Variants in FBXL20 observed in about 807,000 individuals in gnomAD.
FBXL20 encodes F-box and leucine rich repeat protein 20.
FBXL20 carries 11 observed loss-of-function variants against 64.0 expected under a neutral mutation model. The observed-to-expected ratio is 0.17, with a 90% CI of 0.11 to 0.28. The LOEUF is 0.28. Ranked by LOEUF, FBXL20 falls within the 10% of genes least tolerant of loss-of-function variation. FBXL20 has a pLI of 1.00. For missense variants in FBXL20, 303 were observed against 526.2 expected (o/e 0.58, Z 4.15); for synonymous variants, 184 against 189.0 (o/e 0.97, Z 0.22).
chr17:39,382,552 C>T (rs2048035066), intron 1 of FBXL20, among the ~76,000 whole-genome samples: 1 of 152,008 alleles, frequency 6.6e-6, no homozygotes, highest in African/African-American at 2.4e-5. Context: ...CAGGGGAAAG[C>T]CTGGGCAAAG....
chr17:39,386,087 G>A (rs1175380669), intron 1 of FBXL20, among the ~76,000 whole-genome samples: 2 of 145,304 alleles, frequency 1.4e-5, no homozygotes, highest in Non-Finnish European at 3.0e-5. Flanking sequence ...GCTCACACCT[G>A]TAATCTCAGC....
Position 39,260,219 on chromosome 17 carries a change from A to C in FBXL20, c.*1241T>G, listed in dbSNP as rs1160069978. 1.3e-5 allele frequency: 2 copies of C among 152,212 alleles called. No homozygotes were observed. Among genetic ancestry groups the C allele is most frequent in the African/African-American group, 2.4e-5 (1 of 41,448 alleles). 9.4% of individuals were successfully genotyped at this position (152,212 alleles called of 1,614,324 possible). A position where few individuals can be genotyped will look rare whatever the true frequency, so the allele number is the denominator to read the frequency against. On this transcript the variant is annotated 3_prime_UTR_variant, in exon 15 of 15. Coordinates refer to ENST00000264658, the MANE Select transcript of FBXL20 (RefSeq NM_032875.3). ...CCTCTAGTGGCATTCCTGTTAAAACAACCTCATAGGTCAGAGATGCCACTG... is the reference window on the plus strand; with the variant it reads ...CCTCTAGTGGCATTCCTGTTAAAACCACCTCATAGGTCAGAGATGCCACTG...
intron 14 of FBXL20, among the ~76,000 whole-genome samples, chr17:39,262,709 T>A (rs377709121): frequency 1.3e-5 from 2 of 151,644 alleles, no homozygotes; most frequent in East Asian, 3.9e-4. Context: ...TTTTAAAACT[T>A]CTTTTTCGGC....
chr17:39,324,994 C>T (rs1475184688), intron 2 of FBXL20, among the ~76,000 whole-genome samples: 1 of 152,128 alleles, frequency 6.6e-6, no homozygotes, highest in Non-Finnish European at 1.5e-5. Context: ...TGGGTTTGAG[C>T]TCAGGAGTTC....
chr17:39,379,485 C>CAAAAAAAA (rs375953565), intron 1 of FBXL20, among the ~76,000 whole-genome samples: 1 of 127,110 alleles, frequency 7.9e-6, no homozygotes, highest in Non-Finnish European at 1.7e-5. Context: ...CATCCCTTAC[C>CAAAAAAAA]AAAAAAAAAA....
chr17:39,369,953 T>C (rs2047898953), intron 1 of FBXL20, among the ~76,000 whole-genome samples: 1 of 151,886 alleles, frequency 6.6e-6, no homozygotes, highest in Non-Finnish European at 1.5e-5. Flanking sequence ...CTTCAAAATA[T>C]GGCAGGCATG....
At chr17:39,307,970 CAAAAAAA>C (rs141151872) in intron 2 of FBXL20, among the ~76,000 whole-genome samples, 7 of 87,652 alleles carry the variant, frequency 8.0e-5, no homozygotes, top group South Asian at 4.2e-4. Flanking sequence ...GACATCATTT[CAAAAAAA>C]AAAAAAAAAA....
chr17:39,350,047 A>G (rs971610296), intron 1 of FBXL20, among the ~76,000 whole-genome samples: 27 of 152,342 alleles, frequency 1.8e-4, no homozygotes, highest in African/African-American at 6.5e-4. Context: ...CAAATCCACA[A>G]AAAGTAAAAC....
At position 39,254,671 on chromosome 17, in the gene FBXL20, T is replaced by C. The variant is rs2046679215; in HGVS notation, c.*6789A>G. ...TCAGAGAGGAAAGTAAATGTACCCA[T>C]GTGTGACACAGCCATCACTATGTAT... On this transcript the variant is annotated 3_prime_UTR_variant, in exon 15 of 15. Transcript: ENST00000264658. 6.5e-6 allele frequency: 1 copy of C among 154,516 alleles called. No homozygotes were observed. The highest frequency in any genetic ancestry group is 6.5e-5 in the Admixed American group (1 of 15,284). The allele number at this position is 154,516 out of a possible 1,614,324, so 9.6% of individuals were successfully genotyped here.
intron 2 of FBXL20, among the ~76,000 whole-genome samples, chr17:39,312,632 G>A (rs2047245754): frequency 1.6e-5 from 2 of 128,362 alleles, no homozygotes; most frequent in East Asian, 2.3e-4. Context: ...GGAGTGCAGT[G>A]GCACAAGCTA....
At chr17:39,317,464 A>G (rs1446516019) in intron 2 of FBXL20, among the ~76,000 whole-genome samples, 2 of 151,850 alleles carry the variant, frequency 1.3e-5, no homozygotes, top group Non-Finnish European at 2.9e-5. Flanking sequence ...ACTTCTTACC[A>G]CGTGATCCGA....
intron 1 of FBXL20, among the ~76,000 whole-genome samples, chr17:39,371,810 G>A (rs536491933): frequency 2.6e-4 from 40 of 152,118 alleles, no homozygotes; most frequent in African/African-American, 8.4e-4. Flanking sequence ...AAAGGCACGC[G>A]CCACCTCGCC....
chr17:39,388,423 T>A (rs1000201855), intron 1 of FBXL20, among the ~76,000 whole-genome samples: 1 of 150,944 alleles, frequency 6.6e-6, no homozygotes, highest in African/African-American at 2.4e-5. Context: ...CGCACTACTA[T>A]GGCTCCAGCC....
intron 1 of FBXL20, among the ~76,000 whole-genome samples, chr17:39,358,171 T>A (rs2047760425): frequency 6.6e-6 from 1 of 152,154 alleles, no homozygotes; most frequent in African/African-American, 2.4e-5. Context: ...AGAAAATGAA[T>A]GTCTCAGCTC....
chr17:39,333,088 T>C (rs553456715), intron 2 of FBXL20, among the ~76,000 whole-genome samples: 4 of 151,670 alleles, frequency 2.6e-5, no homozygotes, highest in Non-Finnish European at 4.4e-5. Flanking sequence ...TAGGCCTGAG[T>C]CACACCTGGC....
intron 2 of FBXL20, among the ~76,000 whole-genome samples, chr17:39,309,019 C>T (rs1339148962): frequency 6.6e-6 from 1 of 152,112 alleles, no homozygotes; most frequent in African/African-American, 2.4e-5. Flanking sequence ...TTAGTAAAAG[C>T]CTTGAGGCTT....
intron 4 of FBXL20, among the ~76,000 whole-genome samples, chr17:39,299,391 T>C (rs148470994): frequency 5.1e-4 from 78 of 152,336 alleles, no homozygotes; most frequent in African/African-American, 1.8e-3. Context: ...AAGCTGCAGC[T>C]ACTGAAAGAC....
At chr17:39,370,619 T>C (rs531767991) in intron 1 of FBXL20, among the ~76,000 whole-genome samples, 2,085 of 147,008 alleles carry the variant, frequency 0.014, 53 homozygotes, top group African/African-American at 0.051. Context: ...ACCCCGTCTC[T>C]ACTAAAAAAA....
At chr17:39,300,738 A>G (rs1364559617) in intron 4 of FBXL20, among the ~76,000 whole-genome samples, 2 of 152,198 alleles carry the variant, frequency 1.3e-5, no homozygotes, top group Non-Finnish European at 1.5e-5. Flanking sequence ...GCAAAAACAA[A>G]CTTTTAGTCC....
Sources: gnomAD v4.1 joint callset for allele counts (sites outside exome capture counted in the v4.1 genomes callset) on GRCh38, gnomAD v4.1.1 for gene constraint, MANE v1.5 for transcripts, NCBI Gene and HGNC (gene_info 2026-07-23, HGNC 2026-07-21) for gene names.